Variants in THADA observed in about 807,000 individuals in gnomAD.
The protein encoded by THADA is THADA armadillo repeat containing.
Under a neutral mutation model 219.8 loss-of-function variants are expected in THADA, and 213 were observed. The ratio of observed to expected loss-of-function variants is 0.97; its 90% confidence interval spans 0.87 to 1.09. The LOEUF is 1.09. Among genes scored for constraint, THADA ranks in the 50% least tolerant of loss-of-function variants. The pLI, the probability that THADA is intolerant of heterozygous loss-of-function variation, is 0.00. For synonymous variants in THADA, 1,018 were observed against 828.9 expected, an observed-to-expected ratio of 1.23 and a Z score of -3.92; for missense variants, 2,956 against 2,311.3, an observed-to-expected ratio of 1.28 and a Z score of -5.72.
chr2:43,522,470 T>C (rs902895502), intron 22 of THADA, among the ~76,000 whole-genome samples: 5 of 152,178 alleles, frequency 3.3e-5, no homozygotes, highest in Admixed American at 6.6e-5. Flanking sequence ...AAAGAAGTCA[T>C]TGGAAGATGT....
At chr2:43,332,229 G>A (rs1164556826) in intron 30 of THADA, among the ~76,000 whole-genome samples, 2 of 152,166 alleles carry the variant, frequency 1.3e-5, no homozygotes, top group Non-Finnish European at 2.9e-5. Flanking sequence ...GGGATTACAG[G>A]CCCATGCCAC....
In THADA at chr2:43,363,694, G is replaced by A. The variant is rs192994687; in HGVS notation, c.4228-19457C>T. On this transcript the variant is annotated intron_variant, in intron 29 of 37. Transcript: ENST00000405975. ...GTGAGCAAGATACCCACCAACAGGA[G>A]TAGTTCATGAGTCTGTGGAGCAGTG... Among the ~76,000 whole-genome samples the A allele has an allele frequency of 2.0e-5, 3 of 152,350 alleles. No homozygotes were observed. In the East Asian group the frequency reaches 5.8e-4, roughly 29 times the overall value.
chr2:43,284,429 G>C (rs1015906978), intron 35 of THADA, among the ~76,000 whole-genome samples: 1 of 152,252 alleles, frequency 6.6e-6, no homozygotes, highest in African/African-American at 2.4e-5. Context: ...CATTGCTTCA[G>C]AGGGTGCAAG....
At chr2:43,291,980 C>G in intron 33 of THADA, 124 bp downstream of exon 33, 1 of 773,884 alleles carries the variant, frequency 1.3e-6, no homozygotes, top group East Asian at 2.8e-5. Context: ...AACTCTTAGG[C>G]TGAGGTTTAG....
intron 10 of THADA, among the ~76,000 whole-genome samples, chr2:43,576,674 A>G (rs1699888198): frequency 6.6e-6 from 1 of 152,168 alleles, no homozygotes; most frequent in Admixed American, 6.5e-5. Context: ...TATTTTTTTA[A>G]GACAGGATCT....
intron 22 of THADA, among the ~76,000 whole-genome samples, chr2:43,521,494 T>C (rs1426777697): frequency 3.9e-5 from 6 of 152,160 alleles, no homozygotes; most frequent in Non-Finnish European, 8.8e-5. Flanking sequence ...AGACAGAGGT[T>C]GCAGTGAGCC....
At chr2:43,502,383 G>C (rs1160949334) in intron 24 of THADA, among the ~76,000 whole-genome samples, 1 of 152,032 alleles carries the variant, frequency 6.6e-6, no homozygotes, top group Admixed American at 6.6e-5. Flanking sequence ...TCAGGAGTTC[G>C]AGACTAGCCT....
At position 43,279,757 on chromosome 2, in the gene THADA, C is replaced by A; in HGVS notation, c.5296+8G>T. ...ATAAGACAATGCAAAAGGATAAGAA[C>A]GAGGTACCTGTTGACTGGCAGGTAT... is the stretch of plus-strand genomic sequence containing the variant. On this transcript the variant is annotated splice_region_variant and intron_variant, in intron 36 of 37. Coordinates refer to ENST00000405975, the MANE Select transcript of THADA (RefSeq NM_022065.5). 6.5e-7 allele frequency: 1 copy of A among 1,546,922 alleles called. No homozygotes were observed. The highest frequency in any genetic ancestry group is 8.7e-7 in the Non-Finnish European group (1 of 1,145,376).
In THADA at chr2:43,549,253, C is replaced by G. The variant is rs575711817; in HGVS notation, c.3063G>C (p.Leu1021Phe). Reference protein sequence around the residue: ...KEHDSFDMKDLNASVVNIDTS... With the variant: ...KEHDSFDMKDFNASVVNIDTS... ...TATCAATATTCACCACACTAGCATT[C>G]AAGTCCTTCATATCAAAGCTATCAT... Residue 1021 changes from leucine (L) to phenylalanine (F), a missense_variant, in exon 20 of 38, where the codon TTG becomes TTC. By Grantham distance (22) the Leu-to-Phe change is conservative. Transcript: ENST00000405975. 4 of 1,591,678 alleles carry G rather than the reference C, an allele frequency of 2.5e-6. No individual in the cohort carries two copies. The highest frequency in any genetic ancestry group is 1.3e-5 in the African/African-American group (1 of 74,760).
chr2:43,426,799 T>A (rs1678505157), intron 28 of THADA, among the ~76,000 whole-genome samples: 1 of 152,222 alleles, frequency 6.6e-6, no homozygotes, highest in Admixed American at 6.5e-5. Flanking sequence ...TTCTTACCCT[T>A]CTGCTCCAAA....
intron 11 of THADA, among the ~76,000 whole-genome samples, chr2:43,573,733 A>C (rs1487112865): frequency 1.3e-5 from 2 of 152,234 alleles, no homozygotes; most frequent in African/African-American, 2.4e-5. Context: ...TTGCTTTGTT[A>C]AACAGAATGT....
rs1181181939 is a variant in THADA, at chr2:43,382,914, AAAG to A, written c.4227+15054_4227+15056del. ...ACAAAAATGGCCTCAAAAAATTCTC[AAAG>A]AAGGAATATAATTATAAATTATGTT... On this transcript the variant is annotated intron_variant, in intron 29 of 37. Transcript: ENST00000405975. 4.6e-5 allele frequency among the ~76,000 whole-genome samples: 7 copies of A among 152,348 alleles called. No homozygotes were observed. In the East Asian group the frequency reaches 1.2e-3, roughly 25 times the overall value.
chr2:43,524,731 G>A (rs145453433), intron 22 of THADA, among the ~76,000 whole-genome samples: 239 of 152,320 alleles, frequency 1.6e-3, no homozygotes, highest in African/African-American at 5.6e-3. Context: ...TGGTTTGAAA[G>A]CAACAGCTGA....
intron 31 of THADA, among the ~76,000 whole-genome samples, chr2:43,304,140 T>C (rs1397261562): frequency 1.3e-5 from 2 of 152,146 alleles, no homozygotes; most frequent in East Asian, 1.9e-4. Context: ...CTGCATATTA[T>C]ACAGTTCCTG....
At chr2:43,375,158 C>T (rs980764109) in intron 29 of THADA, among the ~76,000 whole-genome samples, 5 of 152,186 alleles carry the variant, frequency 3.3e-5, no homozygotes, top group Non-Finnish European at 7.3e-5. Flanking sequence ...CTATTCCTTA[C>T]AGCATCGTTG....
intron 28 of THADA, among the ~76,000 whole-genome samples, chr2:43,427,503 T>TTGTGTGTGTGGG (rs1678606675): frequency 1.4e-5 from 2 of 140,600 alleles, no homozygotes; most frequent in Non-Finnish European, 3.1e-5. Context: ...CTCCCAAAGT[T>TTGTGTGTGTGGG]TGTGTGTGTG....
chr2:43,336,093 T>C (rs1431628434), intron 30 of THADA, among the ~76,000 whole-genome samples: 1 of 148,306 alleles, frequency 6.7e-6, no homozygotes, highest in Admixed American at 6.7e-5. Flanking sequence ...TGAGACTCCA[T>C]CTCAAAAAAA....
intron 21 of THADA, among the ~76,000 whole-genome samples, chr2:43,528,549 C>G (rs1047380510): frequency 6.6e-6 from 1 of 152,212 alleles, no homozygotes; most frequent in Non-Finnish European, 1.5e-5. Flanking sequence ...GGCTAAGAAA[C>G]TTATCCAAGG....
chr2:43,538,527 A>G (rs1379978969), intron 21 of THADA: 1 of 152,240 alleles, frequency 6.6e-6, no homozygotes, highest in African/African-American at 2.4e-5. Flanking sequence ...AAAGTTCAGT[A>G]GCAAGTCATC....
Sources: allele counts gnomAD v4.1 joint callset (sites outside exome capture counted in the v4.1 genomes callset), GRCh38; gene constraint gnomAD v4.1.1; transcripts MANE v1.5; gene names NCBI Gene and HGNC (gene_info 2026-07-23, HGNC 2026-07-21).